SLC38A12: variants seen among roughly 807,000 people sequenced by gnomAD.
The protein encoded by SLC38A12 is putative sodium-coupled neutral amino acid transporter 12.
At chr17:74,798,838 G>C in the SLC38A12 span, among the ~76,000 whole-genome samples, 1 of 152,100 alleles carries the variant, frequency 6.6e-6, no homozygotes, top group Admixed American at 6.5e-5. Context: ...CCAGGCTAGG[G>C]AACATCTCAG....
the SLC38A12 span, among the ~76,000 whole-genome samples, chr17:74,822,362 C>A: frequency 2.1e-4 from 32 of 152,370 alleles, no homozygotes; most frequent in African/African-American, 7.7e-4. Context: ...TTCCCACCCC[C>A]AGGTCTCCCA....
the SLC38A12 span, among the ~76,000 whole-genome samples, chr17:74,796,148 C>T: frequency 2.0e-5 from 3 of 152,168 alleles, no homozygotes; most frequent in Non-Finnish European, 2.9e-5. Context: ...TCTCCAGGCT[C>T]GTTCTTGATT....
At chr17:74,818,264 C>G in the SLC38A12 span, among the ~76,000 whole-genome samples, 1 of 152,154 alleles carries the variant, frequency 6.6e-6, no homozygotes, top group Admixed American at 6.5e-5. Flanking sequence ...ATCCCCCAAG[C>G]CTGATAGAAA....
At chr17:74,811,055 C>A in the SLC38A12 span, among the ~76,000 whole-genome samples, 1 of 152,220 alleles carries the variant, frequency 6.6e-6, no homozygotes, top group Non-Finnish European at 1.5e-5. Flanking sequence ...TGGGGCTGGG[C>A]ACCGTGGCTT....
At chr17:74,777,580 G>A in the SLC38A12 span, 3 of 1,516,726 alleles carry the variant, frequency 2.0e-6, no homozygotes, top group African/African-American at 4.1e-5. Context: ...TTTTTAAGGT[G>A]TTTGTCAGAG....
At chr17:74,797,450 G>A in the SLC38A12 span, among the ~76,000 whole-genome samples, 3 of 152,204 alleles carry the variant, frequency 2.0e-5, no homozygotes, top group South Asian at 2.1e-4. Context: ...GGCTGCCCAC[G>A]AGAGCCTTTT....
At chr17:74,823,392 C>G in the SLC38A12 span, among the ~76,000 whole-genome samples, 5 of 152,234 alleles carry the variant, frequency 3.3e-5, no homozygotes, top group African/African-American at 7.2e-5. Context: ...TGCTGAGGAG[C>G]CTTCGGGCCA....
the SLC38A12 span, among the ~76,000 whole-genome samples, chr17:74,822,818 G>T: frequency 6.6e-6 from 1 of 152,234 alleles, no homozygotes; most frequent in Non-Finnish European, 1.5e-5. Flanking sequence ...CTGGCGGAAG[G>T]TGTGTCCCCC....
the SLC38A12 span, among the ~76,000 whole-genome samples, chr17:74,810,754 C>G: frequency 6.6e-6 from 1 of 152,216 alleles, no homozygotes; most frequent in Non-Finnish European, 1.5e-5. Context: ...TATATAGTTC[C>G]TTGTGAAAGT....
chr17:74,811,207 G>A, the SLC38A12 span, among the ~76,000 whole-genome samples: 1 of 152,190 alleles, frequency 6.6e-6, no homozygotes, highest in Non-Finnish European at 1.5e-5. Context: ...GCACACGCCT[G>A]TAGTCTCAGC....
At chr17:74,805,416 C>T in the SLC38A12 span, among the ~76,000 whole-genome samples, 2 of 152,206 alleles carry the variant, frequency 1.3e-5, no homozygotes, top group Non-Finnish European at 2.9e-5. The surrounding 1 kb of genome is among the most constrained non-coding windows in gnomAD (Gnocchi z 5.0). Flanking sequence ...GGGTGGTGCT[C>T]TAGGCTTCCC....
chr17:74,805,854 A>T, the SLC38A12 span, among the ~76,000 whole-genome samples: 1 of 151,900 alleles, frequency 6.6e-6, no homozygotes, highest in Non-Finnish European at 1.5e-5. The surrounding 1 kb of genome is among the most constrained non-coding windows in gnomAD (Gnocchi z 5.0). Context: ...ATCGCCTGGC[A>T]CCTCTCCTTG....
the SLC38A12 span, chr17:74,836,991 C>T: frequency 5.1e-6 from 6 of 1,182,124 alleles, no homozygotes; most frequent in Non-Finnish European, 6.3e-6. This position sits in a 1 kb window ranked among gnomAD's most constrained non-coding sequence, Gnocchi z 4.2. Context: ...ACACGCTTCA[C>T]CCCCAACCCT....
chr17:74,816,784 A>G, the SLC38A12 span, among the ~76,000 whole-genome samples: 1 of 152,116 alleles, frequency 6.6e-6, no homozygotes, highest in Non-Finnish European at 1.5e-5. Context: ...CTGAGTTTGA[A>G]CTGATCAATG....
At chr17:74,804,069 G>A in the SLC38A12 span, among the ~76,000 whole-genome samples, 12 of 152,264 alleles carry the variant, frequency 7.9e-5, 1 homozygote, top group South Asian at 1.0e-3. Flanking sequence ...CTTCTGCTCC[G>A]TGTCTGGCTG....
the SLC38A12 span, among the ~76,000 whole-genome samples, chr17:74,825,613 A>C: frequency 6.6e-6 from 1 of 152,202 alleles, no homozygotes; most frequent in Non-Finnish European, 1.5e-5. Flanking sequence ...CTTTGTTATC[A>C]GCTCTGATCT....
chr17:74,787,657 G>A, the SLC38A12 span, among the ~76,000 whole-genome samples: 1 of 151,462 alleles, frequency 6.6e-6, no homozygotes, highest in East Asian at 1.9e-4. Flanking sequence ...AGCAGGAGAT[G>A]AATGTTCGTC....
chr17:74,809,050 G>A, the SLC38A12 span, among the ~76,000 whole-genome samples: 1 of 152,192 alleles, frequency 6.6e-6, no homozygotes, highest in Non-Finnish European at 1.5e-5. Context: ...AAGGGGTTAG[G>A]GAGAAGATGC....
chr17:74,786,707 G>A, the SLC38A12 span, among the ~76,000 whole-genome samples: 1 of 152,188 alleles, frequency 6.6e-6, no homozygotes, highest in South Asian at 2.1e-4. Flanking sequence ...ACAGGAAGCT[G>A]AATGGGATAG....
Sources: gnomAD v4.1 joint callset for allele counts (sites outside exome capture counted in the v4.1 genomes callset) on GRCh38, gnomAD v4.1.1 for gene constraint, Gnocchi (gnomAD v3.1) non-coding constraint, MANE v1.5 for transcripts, NCBI Gene and HGNC (gene_info 2026-07-23, HGNC 2026-07-21) for gene names.